Variants in BMPR1B observed in about 807,000 individuals in gnomAD.
BMPR1B encodes bone morphogenetic protein receptor type-1B.
In BMPR1B, 12 loss-of-function variants were observed where a neutral mutation model predicts 59.1. The ratio of observed to expected loss-of-function variants is 0.20; its 90% CI spans 0.13 to 0.33. The LOEUF (loss-of-function observed/expected upper bound fraction) is 0.33, where lower values mean the gene tolerates loss of function less well. BMPR1B is among the 10% of genes least tolerant of loss of function. BMPR1B has a pLI of 1.00. For synonymous variants in BMPR1B, 237 were observed against 207.3 expected, an observed-to-expected ratio of 1.14 and a Z score of -1.23; for missense variants, 550 against 610.9, an observed-to-expected ratio of 0.90 and a Z score of 1.05.
chr4:94,951,128 C>G (rs1476563227), intron 2 of BMPR1B, among the ~76,000 whole-genome samples: 1 of 152,138 alleles, frequency 6.6e-6, no homozygotes, highest in South Asian at 2.1e-4. Context: ...AATTTTGTAT[C>G]CTGAGACTTC....
At chr4:95,026,097 C>CCTTTCTTTCTTTCTTTCTTTCTTTCTTT (rs1560602784) in intron 3 of BMPR1B, among the ~76,000 whole-genome samples, 2 of 23,916 alleles carry the variant, frequency 8.4e-5, no homozygotes, top group East Asian at 2.0e-3. Context: ...TGCTTTCTTT[C>CCTTTCTTTCTTTCTTTCTTTCTTTCTTT]ATTTCTTTCT....
intron 1 of BMPR1B, among the ~76,000 whole-genome samples, chr4:94,836,377 A>G (rs1388958055): frequency 2.3e-5 from 3 of 132,728 alleles, no homozygotes; most frequent in African/African-American, 3.2e-5. Context: ...TCCCACCAAC[A>G]GTGTAAAAGT....
chr4:94,979,093 C>G (rs1049645248), intron 2 of BMPR1B, among the ~76,000 whole-genome samples: 7 of 152,078 alleles, frequency 4.6e-5, no homozygotes, highest in Non-Finnish European at 1.0e-4. Flanking sequence ...ATCATGAGAA[C>G]AACACAGGAA....
chr4:94,922,197 A>C (rs955627179), intron 2 of BMPR1B, among the ~76,000 whole-genome samples: 1 of 151,274 alleles, frequency 6.6e-6, no homozygotes, highest in Non-Finnish European at 1.5e-5. Context: ...CTGGTATTGA[A>C]CTCCTGGGCT....
chr4:95,047,281 C>G (rs1252383381), intron 3 of BMPR1B, among the ~76,000 whole-genome samples: 1 of 152,118 alleles, frequency 6.6e-6, no homozygotes, highest in Non-Finnish European at 1.5e-5. Context: ...TTTTTCTGTT[C>G]AAGGATTCCA....
chr4:95,023,865 T>G (rs1322409013), intron 3 of BMPR1B, among the ~76,000 whole-genome samples: 2 of 152,174 alleles, frequency 1.3e-5, no homozygotes, highest in African/African-American at 4.8e-5. Flanking sequence ...ATCTTATAGG[T>G]TACAAGCTTT....
chr4:95,018,674 T>G (rs552111617), intron 3 of BMPR1B, among the ~76,000 whole-genome samples: 1 of 152,218 alleles, frequency 6.6e-6, no homozygotes, highest in African/African-American at 2.4e-5. Context: ...TTTGGAATTA[T>G]TATTTCACAC....
At chr4:94,869,095 A>AACACACACAC (rs59407857) in intron 1 of BMPR1B, among the ~76,000 whole-genome samples, 12 of 144,542 alleles carry the variant, frequency 8.3e-5, no homozygotes, top group African/African-American at 3.1e-4. Context: ...TTTACTATCA[A>AACACACACAC]ACACACACAC....
intron 3 of BMPR1B, among the ~76,000 whole-genome samples, chr4:95,022,290 G>T (rs1419444655): frequency 6.6e-6 from 1 of 152,150 alleles, no homozygotes; most frequent in Non-Finnish European, 1.5e-5. Flanking sequence ...TTTAGCAGTG[G>T]CTGTTCGAAA....
intron 2 of BMPR1B, among the ~76,000 whole-genome samples, chr4:94,945,361 TATG>T (rs1484929083): frequency 2.0e-5 from 3 of 152,210 alleles, no homozygotes; most frequent in Non-Finnish European, 4.4e-5. Context: ...AATAATCTAA[TATG>T]ATGATGGGAA....
intron 2 of BMPR1B, among the ~76,000 whole-genome samples, chr4:94,930,251 T>C (rs1018546014): frequency 6.6e-6 from 1 of 152,124 alleles, no homozygotes. Context: ...CAGTATAACA[T>C]ATGAGACCCT....
chr4:95,146,526 C>G (rs891991015), intron 10 of BMPR1B, among the ~76,000 whole-genome samples: 53 of 152,168 alleles, frequency 3.5e-4, no homozygotes, highest in African/African-American at 1.0e-3. Flanking sequence ...TGCCTAAAAT[C>G]TTTATCAACT....
intron 3 of BMPR1B, among the ~76,000 whole-genome samples, chr4:95,005,979 G>A (rs886984492): frequency 6.6e-6 from 1 of 152,094 alleles, no homozygotes; most frequent in Non-Finnish European, 1.5e-5. Flanking sequence ...TTGTATATAT[G>A]ATAATAGTTT....
intron 1 of BMPR1B, among the ~76,000 whole-genome samples, chr4:94,804,008 A>G (rs1390567821): frequency 6.6e-6 from 1 of 151,956 alleles, no homozygotes; most frequent in African/African-American, 2.4e-5. Context: ...CCTCCCGAGT[A>G]GCTGGGACTA....
intron 2 of BMPR1B, among the ~76,000 whole-genome samples, chr4:94,921,226 C>T (rs1358299872): frequency 6.6e-6 from 1 of 152,006 alleles, no homozygotes; most frequent in Non-Finnish European, 1.5e-5. Context: ...CCTCAGAGTG[C>T]ACTGTTAGCT....
At chr4:95,001,868 C>T (rs552059596) in intron 3 of BMPR1B, among the ~76,000 whole-genome samples, 7 of 152,222 alleles carry the variant, frequency 4.6e-5, no homozygotes, top group African/African-American at 1.7e-4. Context: ...TCCCACCACT[C>T]CCAAAGAAGT....
Position 94,975,773 on chromosome 4 carries a change from C to G in BMPR1B, c.-112-20267C>G, listed in dbSNP as rs182533496. Among the ~76,000 whole-genome samples the G allele has an allele frequency of 2.8e-3, 426 of 152,288 alleles. 2 individuals are homozygous for G. In the Middle Eastern group the frequency reaches 0.031, roughly 11 times the overall value. ...TCTCCCAAAGATTTATAGACAATGT[C>G]ATTGAAAGAAAATGTTTTACCTTTC... On this transcript the variant is annotated intron_variant, in intron 2 of 12. Transcript: ENST00000515059.
At chr4:94,781,112 TTGTA>T (rs1472306040) in intron 1 of BMPR1B, among the ~76,000 whole-genome samples, 2 of 152,214 alleles carry the variant, frequency 1.3e-5, no homozygotes, top group Admixed American at 6.5e-5. Flanking sequence ...TATTGGCCAT[TTGTA>T]TGTCTTATTT....
intron 10 of BMPR1B, among the ~76,000 whole-genome samples, chr4:95,146,312 G>A (rs184357571): frequency 1.3e-5 from 2 of 152,274 alleles, no homozygotes; most frequent in African/African-American, 4.8e-5. Flanking sequence ...ATCCTTGAGT[G>A]TATGTTTTTG....
Sources: allele counts gnomAD v4.1 joint callset (sites outside exome capture counted in the v4.1 genomes callset), GRCh38; gene constraint gnomAD v4.1.1; transcripts MANE v1.5; gene names NCBI Gene and HGNC (gene_info 2026-07-23, HGNC 2026-07-21).